ROBO2: variants seen among roughly 807,000 people sequenced by gnomAD.
The protein encoded by ROBO2 is roundabout homolog 2.
In ROBO2, 53 loss-of-function variants were observed where a neutral mutation model predicts 160.8. That is an observed-to-expected ratio of 0.33 (90% CI 0.26 to 0.41). The LOEUF is 0.41. Ranked by LOEUF, ROBO2 falls within the 10% of genes least tolerant of loss-of-function variation. The pLI is 1.00. For missense variants in ROBO2, 1,577 were observed against 1,722.4 expected, an observed-to-expected ratio of 0.92 and a Z score of 1.49; for synonymous variants, 664 against 611.7, an observed-to-expected ratio of 1.09 and a Z score of -1.26.
At chr3:76,931,450 A>G (rs912279674) in intron 2 of ROBO2, among the ~76,000 whole-genome samples, 1 of 152,096 alleles carries the variant, frequency 6.6e-6, no homozygotes, top group African/African-American at 2.4e-5. Flanking sequence ...CCAAGAAAAC[A>G]CATAAGACTT....
intron 2 of ROBO2, among the ~76,000 whole-genome samples, chr3:76,785,297 ATTGT>A (rs2062900853): frequency 6.6e-6 from 1 of 151,126 alleles, no homozygotes; most frequent in Non-Finnish European, 1.5e-5. Flanking sequence ...CTGTATTTTA[ATTGT>A]TTGTATTCTG....
At chr3:77,466,772 G>A (rs1195042807) in intron 2 of ROBO2, among the ~76,000 whole-genome samples, 1 of 152,098 alleles carries the variant, frequency 6.6e-6, no homozygotes, top group East Asian at 1.9e-4. Flanking sequence ...CCTGCCAATA[G>A]GTAATAAATA....
chr3:76,026,451 A>C (rs914144970), intron 2 of ROBO2, among the ~76,000 whole-genome samples: 4 of 151,922 alleles, frequency 2.6e-5, no homozygotes, highest in Non-Finnish European at 5.9e-5. Flanking sequence ...TTCTTGAATT[A>C]CTGGAGTGAG....
At chr3:76,440,793 A>C (rs573812338) in intron 2 of ROBO2, among the ~76,000 whole-genome samples, 1 of 152,192 alleles carries the variant, frequency 6.6e-6, no homozygotes, top group Admixed American at 6.5e-5. Flanking sequence ...ACAGGTATTT[A>C]AGGAAAACAG....
chr3:75,915,235 A>G lies in ROBO2; in HGVS notation c.-14+8275A>G, dbSNP rs552028975. Among the ~76,000 whole-genome samples the G allele has an allele frequency of 2.9e-3, 442 of 152,356 alleles. 1 individual carries two copies. The highest frequency in any genetic ancestry group is 0.01 in the African/African-American group (419 of 41,592). On this transcript the variant is annotated intron_variant, in intron 1 of 26. Transcript: ENST00000487694. ...TAGAAGATAGAAAGCTTACAGAAAG[A>G]AATGATGGCTTTTCTAAGCATAAGA...
intron 2 of ROBO2, among the ~76,000 whole-genome samples, chr3:77,318,134 G>A (rs181851441): frequency 4.1e-4 from 62 of 151,872 alleles, no homozygotes; most frequent in African/African-American, 1.4e-3. Context: ...TGCAACCTCC[G>A]CCTCCCGAGT....
chr3:77,354,758 A>G (rs2068828553), intron 2 of ROBO2, among the ~76,000 whole-genome samples: 1 of 152,198 alleles, frequency 6.6e-6, no homozygotes, highest in African/African-American at 2.4e-5. Flanking sequence ...CTGAAAAGGG[A>G]AAAAGCTTGG....
chr3:76,068,676 C>T (rs977073567), intron 2 of ROBO2, among the ~76,000 whole-genome samples: 22 of 152,194 alleles, frequency 1.4e-4, no homozygotes, highest in Non-Finnish European at 2.6e-4. Flanking sequence ...GATACTGCCT[C>T]CTTTCTCTGA....
rs1332442097 is a variant in ROBO2 at position 76,707,757 on chromosome 3, AT to A, written c.110-390256del. ...TATATATATATATATATATATATAT[AT>A]ATAAATCTTAAAAGCAAGGCTGAGA... On this transcript the variant is annotated intron_variant, in intron 2 of 26. Coordinates refer to the ROBO2 transcript ENST00000487694. Among the ~76,000 whole-genome samples, 497 of 129,056 alleles carry A rather than the reference AT, an allele frequency of 3.9e-3. 3 individuals carry two copies. The highest frequency in any genetic ancestry group is 0.013 in the African/African-American group (467 of 36,044). The allele number at this position is 129,056 out of a possible 152,430, so 84.7% of individuals were successfully genotyped here. A position where few individuals can be genotyped will look rare whatever the true frequency, so the allele number is the denominator to read the frequency against.
rs1382979457 is a variant in ROBO2 at position 77,329,673 on chromosome 3, A to ACATTGGGTCTATACTTCC, written c.389-147738_389-147721dup. 2.0e-5 allele frequency among the ~76,000 whole-genome samples: 3 copies of ACATTGGGTCTATACTTCC among 152,306 alleles called. No individual in the cohort carries two copies. The East Asian group carries it at 5.8e-4, about 29-fold the overall frequency. On this transcript the variant is annotated intron_variant, in intron 2 of 25. Transcript: ENST00000461745. ...CTGATTCTCTCCTGCCCTGTGCCTC[A>ACATTGGGTCTATACTTCC]CATTGGGTCTATACTTCCCACAGTG...
At chr3:76,048,497 A>C (rs934073902) in intron 2 of ROBO2, among the ~76,000 whole-genome samples, 1 of 152,202 alleles carries the variant, frequency 6.6e-6, no homozygotes, top group Non-Finnish European at 1.5e-5. Flanking sequence ...TTTTTACTTA[A>C]TATAGTAAGC....
chr3:76,673,065 A>G (rs140013889), intron 2 of ROBO2, among the ~76,000 whole-genome samples: 1 of 152,120 alleles, frequency 6.6e-6, no homozygotes, highest in African/African-American at 2.4e-5. Context: ...ATAGCAGCTA[A>G]TGCTTTCCAG....
intron 2 of ROBO2, among the ~76,000 whole-genome samples, chr3:76,565,327 T>C (rs1390756285): frequency 6.6e-6 from 1 of 152,220 alleles, no homozygotes; most frequent in Non-Finnish European, 1.5e-5. Flanking sequence ...AGAAATAGCA[T>C]AATGTGAAAA....
chr3:76,373,102 G>A (rs2076182086), intron 2 of ROBO2, among the ~76,000 whole-genome samples: 1 of 151,928 alleles, frequency 6.6e-6, no homozygotes, highest in African/African-American at 2.4e-5. Context: ...ATCTAGTCAA[G>A]GGAAACAGTT....
At chr3:76,123,047 T>A (rs2070819186) in intron 2 of ROBO2, among the ~76,000 whole-genome samples, 1 of 152,194 alleles carries the variant, frequency 6.6e-6, no homozygotes, top group Non-Finnish European at 1.5e-5. Context: ...GTGCCCGACC[T>A]GTTTTCATAT....
rs148408038 is a variant in ROBO2, at chr3:77,175,482, C to T, written c.388+77142C>T. 6.6e-5 allele frequency among the ~76,000 whole-genome samples: 10 copies of T among 152,052 alleles called. No homozygotes were observed. The East Asian group carries it at 1.4e-3, about 21-fold the overall frequency. On this transcript the variant is annotated intron_variant, in intron 2 of 25. Coordinates refer to ENST00000461745, the Ensembl canonical transcript of ROBO2. ...ATTTAATTGGCACACGATGAGGAAT[C>T]GCTCAAAATTTTGAACATGAAGTGA...
intron 16 of ROBO2, among the ~76,000 whole-genome samples, chr3:77,586,620 C>T (rs2094056721): frequency 6.6e-6 from 1 of 151,918 alleles, no homozygotes; most frequent in East Asian, 1.9e-4. Flanking sequence ...AGCAATACAC[C>T]TTGAGTAACA....
intron 2 of ROBO2, among the ~76,000 whole-genome samples, chr3:76,068,611 A>G (rs577453802): frequency 1.7e-3 from 254 of 152,300 alleles, no homozygotes; most frequent in Non-Finnish European, 3.0e-3. Flanking sequence ...ATATGCAAAC[A>G]TGCTACAATT....
At chr3:77,075,075 A>G (rs1222162467) in intron 1 of ROBO2, among the ~76,000 whole-genome samples, 2 of 152,200 alleles carry the variant, frequency 1.3e-5, no homozygotes, top group African/African-American at 2.4e-5. Context: ...AGGTGAAGTC[A>G]CTTTGTGTCT....
Sources: allele counts gnomAD v4.1 joint callset (sites outside exome capture counted in the v4.1 genomes callset), GRCh38; gene constraint gnomAD v4.1.1; transcripts MANE v1.5; gene names NCBI Gene and HGNC (gene_info 2026-07-23, HGNC 2026-07-21).